KRT40: variants seen among roughly 807,000 people sequenced by gnomAD.
KRT40 encodes keratin 40, also known as keratin, type I cytoskeletal 40.
In KRT40, 47 loss-of-function variants were observed where a neutral mutation model predicts 43.5. The ratio of observed to expected loss-of-function variants is 1.08; its 90% CI spans 0.86 to 1.38. KRT40 has a LOEUF of 1.38. Ranked by LOEUF, KRT40 falls within the 40% of genes most tolerant of loss-of-function variation. The pLI, the probability that KRT40 is intolerant of heterozygous loss-of-function variation, is 0.00. For missense variants in KRT40, 573 were observed against 523.6 expected, an observed-to-expected ratio of 1.09 and a Z score of -0.92; for synonymous variants, 212 against 214.0, an observed-to-expected ratio of 0.99 and a Z score of 0.08.
upstream of KRT40, among the ~76,000 whole-genome samples, chr17:40,985,344 G>A (rs187995328): frequency 2.6e-5 from 4 of 152,148 alleles, no homozygotes; most frequent in Admixed American, 6.5e-5. Flanking sequence ...CTTGAGATAC[G>A]TAATTTTTTT....
At chr17:40,981,274 T>G in intron 3 of KRT40, 123 bp from the exon 4 acceptor site, 1 of 1,551,976 alleles carries the variant, frequency 6.4e-7, no homozygotes, top group South Asian at 1.1e-5. Context: ...TGATTCAGAT[T>G]GCCTGGGCTG....
chr17:40,979,785 G>A (rs1781512999), intron 5 of KRT40, among the ~76,000 whole-genome samples: 1 of 152,128 alleles, frequency 6.6e-6, no homozygotes, highest in African/African-American at 2.4e-5. Context: ...GTTAATGGGT[G>A]CAAACATACA....
intron 3 of KRT40, among the ~76,000 whole-genome samples, 184 bp downstream of exon 3, chr17:40,982,123 T>C (rs1184458078): frequency 6.6e-6 from 1 of 152,104 alleles, no homozygotes; most frequent in African/African-American, 2.4e-5. Flanking sequence ...GTGATCCTCC[T>C]GCCTCAGCCT....
chr17:40,981,603 C>T (rs1912156464), intron 3 of KRT40, among the ~76,000 whole-genome samples: 1 of 152,198 alleles, frequency 6.6e-6, no homozygotes, highest in Non-Finnish European at 1.5e-5. Flanking sequence ...AACACTGGTC[C>T]AGATAGTGCA....
Position 40,984,299 on chromosome 17 carries a change from G to A in KRT40, c.-26C>T, listed in dbSNP as rs1446029848. ...CCTTCCAGAAGCAAAGACAGAGACT[G>A]GCTGCAAAACTTCAGTTGCCTTGAC... On this transcript the variant is annotated 5_prime_UTR_variant, in exon 1 of 7. Transcript: ENST00000377755. 1.3e-6 allele frequency: 2 copies of A among 1,562,088 alleles called. No homozygotes were observed.
chr17:40,984,655 A>T (rs1912382811), upstream of KRT40, among the ~76,000 whole-genome samples: 1 of 152,204 alleles, frequency 6.6e-6, no homozygotes, highest in African/African-American at 2.4e-5. Flanking sequence ...AATCAGGAAA[A>T]TAATATGTCC....
upstream of KRT40, among the ~76,000 whole-genome samples, chr17:40,985,579 T>G (rs1912433105): frequency 6.6e-6 from 1 of 152,190 alleles, no homozygotes; most frequent in Non-Finnish European, 1.5e-5. Flanking sequence ...ACTTCCTAGG[T>G]ACCTGATAGT....
At chr17:40,980,707 T>G in intron 5 of KRT40, 78 bp downstream of exon 5, 1 of 1,492,070 alleles carries the variant, frequency 6.7e-7, no homozygotes, top group Non-Finnish European at 8.9e-7. Flanking sequence ...AATGTGATCC[T>G]CGGATATGGA....
Position 40,978,299 on chromosome 17 carries a change from GGGGAAAAATC to G in KRT40, c.1197-13_1197-4del. ...TCGAACATGGGCTACAGGAAAGCCTGGGGAAAAATCGATTTTCAACCAAGATTAACAAGGG... is the reference window on the plus strand; with the variant it reads ...TCGAACATGGGCTACAGGAAAGCCTGGATTTTCAACCAAGATTAACAAGGG... On this transcript the variant is annotated splice_polypyrimidine_tract_variant and splice_region_variant and intron_variant, in intron 6 of 6. Coordinates refer to ENST00000377755, the MANE Select transcript of KRT40 (RefSeq NM_001389244.1). 1.6e-5 allele frequency: 25 copies of G among 1,611,696 alleles called. No homozygotes were observed. The South Asian group carries it at 2.7e-4, about 18-fold the overall frequency.
intron 6 of KRT40, 34 bp from the exon 7 acceptor site, chr17:40,978,330 A>G (rs2143659929): frequency 2.6e-6 from 4 of 1,538,212 alleles, no homozygotes; most frequent in Middle Eastern, 1.7e-4. Flanking sequence ...CAAGATTAAC[A>G]AGGGAATGTT....
chr17:40,984,736 C>T (rs2216159), upstream of KRT40, among the ~76,000 whole-genome samples: 33,037 of 152,028 alleles, frequency 0.22, 4,468 homozygotes, highest in African/African-American at 0.39. Context: ...CACAAAATGA[C>T]AATTATTTGT....
At chr17:40,982,647 T>TTGTG (rs370933611) in intron 2 of KRT40, among the ~76,000 whole-genome samples, 184 bp from the exon 3 acceptor site, 8 of 150,732 alleles carry the variant, frequency 5.3e-5, no homozygotes, top group Admixed American at 4.0e-4. Flanking sequence ...TAGAGAATAT[T>TTGTG]TGTGTGTGTG....
chr17:40,983,062 C>T lies in KRT40; in HGVS notation c.514G>A (p.Asp172Asn). The T allele has an allele frequency of 7.2e-7, 1 of 1,396,134 alleles. No homozygotes were observed. Among genetic ancestry groups the T allele is most frequent in the Non-Finnish European group, 1.0e-6 (1 of 987,794 alleles). 86.5% of individuals were successfully genotyped at this position (1,396,134 alleles called of 1,614,324 possible). The part of the protein sequence containing the change: ...VQLDNCKLAT[D>N]DFKSKYESEL... ...TAAACTTACTTTGACTTAAAGTCAT[C>T]AGTGGCCAGTTTGCAGTTGTCAAGC... Residue 172 changes from aspartate to asparagine, a missense_variant, in exon 2 of 7, where the codon GAT (aspartate) becomes AAT (asparagine). Transcript: ENST00000377755.
chr17:40,982,441 G>T lies in KRT40; in HGVS notation c.553C>A (p.Arg185Ser), dbSNP rs779823166. The change falls in exon 3 of 7, where the codon CGC becomes AGC. Residue 185 changes from arginine to serine, a missense_variant. By Grantham distance (110) the Arg-to-Ser change is moderately radical. Transcript: ENST00000377755. ...KSKYESELSLRQLLEADISSL... is the reference protein window; with the variant it reads ...KSKYESELSLSQLLEADISSL... ...CTGATGTCAGCCTCTAACAGCTGGC[G>T]AAGGGACAGTTCACTCTCGTACCTT... 2 of 1,603,422 alleles carry T rather than the reference G, an allele frequency of 1.2e-6. No homozygotes were observed. Among genetic ancestry groups the T allele is most frequent in the South Asian group, 2.2e-5 (2 of 89,372 alleles).
rs747271423 is a variant in KRT40 at position 40,983,873 on chromosome 17, G to A, written c.401C>T (p.Pro134Leu). The A allele has an allele frequency of 1.9e-6, 3 of 1,614,060 alleles. No homozygotes were observed. The highest frequency in any genetic ancestry group is 2.5e-6 in the Non-Finnish European group (3 of 1,180,010). Residue 134 changes from proline (P) to leucine (L), a missense_variant, in exon 1 of 7, where the codon CCG becomes CTG. Physicochemically the swap from Pro to Leu is moderately conservative, Grantham distance 98. Transcript: ENST00000377755. ...QCEQDIPMVC[P>L]DYQRYFNTIE... ...GGTGTTGAAGTAACGCTGATAATCC[G>A]GGCACACCATTGGGATATCCTGTTC...
chr17:40,986,131 C>T (rs1597924260), upstream of KRT40, among the ~76,000 whole-genome samples: 1 of 152,254 alleles, frequency 6.6e-6, no homozygotes, highest in East Asian at 1.9e-4. Context: ...TGGAGTCCTC[C>T]TTAGGGAAAA....
At chr17:40,984,903 GAA>G (rs967214582), upstream of KRT40, among the ~76,000 whole-genome samples, 2 of 148,114 alleles carry the variant, frequency 1.4e-5, no homozygotes, top group Non-Finnish European at 3.0e-5. Flanking sequence ...CGTACAAATG[GAA>G]AAGTCACTTT....
intron 3 of KRT40, 35 bp from the exon 4 acceptor site, chr17:40,981,186 T>C (rs776424433): frequency 2.5e-6 from 4 of 1,611,924 alleles, no homozygotes; most frequent in East Asian, 2.2e-5. Context: ...TGTCACAGAA[T>C]GGTGGGGAAA....
At chr17:40,982,231 C>T (rs930062011) in intron 3 of KRT40, 76 bp downstream of exon 3, 2 of 1,324,128 alleles carry the variant, frequency 1.5e-6, no homozygotes, top group Middle Eastern at 2.0e-4. Flanking sequence ...ATTCGATTTA[C>T]AAACATCAAC....
Sources: allele counts gnomAD v4.1 joint callset (sites outside exome capture counted in the v4.1 genomes callset), GRCh38; gene constraint gnomAD v4.1.1; transcripts MANE v1.5; gene names NCBI Gene and HGNC (gene_info 2026-07-23, HGNC 2026-07-21).